Variants in PGR observed in about 807,000 individuals in gnomAD.
The protein encoded by PGR is progesterone receptor.
A neutral mutation model predicts 76.1 loss-of-function variants in PGR; 25 were observed. The observed-to-expected ratio is 0.33, with a 90% CI of 0.24 to 0.46. PGR has a LOEUF of 0.46. Ranked by LOEUF, PGR falls within the 20% of genes least tolerant of loss-of-function variation. The pLI is 1.00. For synonymous variants in PGR, 579 were observed against 535.0 expected (o/e 1.08, Z -1.14); for missense variants, 1,172 against 1,225.3 (o/e 0.96, Z 0.65).
intron 2 of PGR, among the ~76,000 whole-genome samples, chr11:101,108,764 G>T (rs1479934944): frequency 6.6e-6 from 1 of 152,276 alleles, no homozygotes; most frequent in East Asian, 1.9e-4. Context: ...TTCTCAAACA[G>T]CTCTTAGCTG....
rs1859470035 is a variant in PGR, at chr11:101,035,250, T to C, written c.*3866A>G. Reference sequence around the variant, plus strand: ...CTTTAAATTTGAAAAAAAATGTATGTTTTGGCAAGTTTTGAATGCTTCTTA... The same window carrying C: ...CTTTAAATTTGAAAAAAAATGTATGCTTTGGCAAGTTTTGAATGCTTCTTA... On this transcript the variant is annotated 3_prime_UTR_variant, in exon 8 of 8. Coordinates refer to ENST00000325455, the MANE Select transcript of PGR (RefSeq NM_000926.4). 1 of 225,154 alleles carries C rather than the reference T, an allele frequency of 4.4e-6. No homozygotes were observed. The highest frequency in any genetic ancestry group is 1.8e-4 in the South Asian group (1 of 5,454). 13.9% of individuals were successfully genotyped at this position (225,154 alleles called of 1,614,324 possible). A position where few individuals can be genotyped will look rare whatever the true frequency, so the allele number is the denominator to read the frequency against.
chr11:101,108,501 A>T lies in PGR; in HGVS notation c.1790-16625T>A, dbSNP rs137862392. Among the ~76,000 whole-genome samples, 692 of 152,312 alleles carry T rather than the reference A, an allele frequency of 4.5e-3. 9 individuals carry two copies. The highest frequency in any genetic ancestry group is 0.015 in the African/African-American group (641 of 41,566). Reference sequence around the variant, plus strand: ...TAATAATAAATTTTAAAAGTAAAAAATATTTTTAAACGACTTGACTACAAT... The same window carrying T: ...TAATAATAAATTTTAAAAGTAAAAATTATTTTTAAACGACTTGACTACAAT... On this transcript the variant is annotated intron_variant, in intron 2 of 7. Transcript: ENST00000325455.
intron 2 of PGR, among the ~76,000 whole-genome samples, chr11:101,099,723 C>G (rs1490353852): frequency 6.6e-6 from 1 of 152,128 alleles, no homozygotes; most frequent in Non-Finnish European, 1.5e-5. Context: ...CAGTTAGAGG[C>G]TCTCAGTAAA....
At chr11:101,045,446 C>T (rs370399428) in intron 6 of PGR, among the ~76,000 whole-genome samples, 1 of 151,786 alleles carries the variant, frequency 6.6e-6, no homozygotes, top group East Asian at 1.9e-4. Flanking sequence ...AATGTCTCAC[C>T]CCCCTCCTAC....
intron 2 of PGR, 134 bp downstream of exon 2, chr11:101,125,870 GTCA>G: frequency 3.8e-6 from 3 of 792,864 alleles, no homozygotes; most frequent in Non-Finnish European, 6.1e-6. Flanking sequence ...TTGTTAAAAT[GTCA>G]TCATATATTT....
chr11:101,086,914 C>G (rs58617239), intron 3 of PGR, among the ~76,000 whole-genome samples: 22,494 of 151,996 alleles, frequency 0.15, 3,061 homozygotes, highest in East Asian at 0.78. Flanking sequence ...AACTACATAA[C>G]ATTGCTAAAA....
In PGR at chr11:101,128,540, C is replaced by T; in HGVS notation, c.531G>A (p.Gly177=). The change falls in exon 1 of 8, where the codon GGG becomes GGA. Residue 177 remains glycine, a synonymous_variant. Coordinates refer to ENST00000325455, the MANE Select transcript of PGR (RefSeq NM_000926.4). ...GCAGCACTTTATGGGCAGCTGCCGTCCCGGAGCTGTCTCCAACCTTGCACC... is the reference window on the plus strand; with the variant it reads ...GCAGCACTTTATGGGCAGCTGCCGTTCCGGAGCTGTCTCCAACCTTGCACC... ...RSGCKVGDSS[G]TAAAHKVLPR... is the part of the protein sequence containing the mutation. 6.3e-7 allele frequency: 1 copy of T among 1,599,556 alleles called. No individual in the cohort carries two copies. The highest frequency in any genetic ancestry group is 8.5e-7 in the Non-Finnish European group (1 of 1,176,314).
intron 6 of PGR, among the ~76,000 whole-genome samples, chr11:101,046,098 G>A (rs934422090): frequency 2.0e-5 from 3 of 147,330 alleles, no homozygotes; most frequent in Non-Finnish European, 4.5e-5. Flanking sequence ...TAAGATTTTA[G>A]TGTAATTTAT....
Position 101,107,865 on chromosome 11 carries a change from T to TAAAAAAAAAAAAAAAAAAAAA in PGR, c.1790-15990_1790-15989insTTTTTTTTTTTTTTTTTTTTT, listed in dbSNP as rs56355097. Among the ~76,000 whole-genome samples the TAAAAAAAAAAAAAAAAAAAAA allele has an allele frequency of 1.8e-3, 212 of 119,032 alleles. 5 individuals are homozygous for TAAAAAAAAAAAAAAAAAAAAA. The highest frequency in any genetic ancestry group is 5.1e-3 in the African/African-American group (155 of 30,122). The allele number at this position is 119,032 out of a possible 152,430, so 78.1% of individuals were successfully genotyped here. ...CCAGTCTTACTTGAAACTGGCTTTG[T>TAAAAAAAAAAAAAAAAAAAAA]AAAAAAAAAAAAAAAGAAAGAAAAA... On this transcript the variant is annotated intron_variant, in intron 2 of 7. Transcript: ENST00000325455.
intron 2 of PGR, among the ~76,000 whole-genome samples, chr11:101,097,068 C>T (rs1352282264): frequency 2.0e-5 from 3 of 152,180 alleles, no homozygotes; most frequent in African/African-American, 7.2e-5. Flanking sequence ...TATGCATCAT[C>T]TGCCCCTGTT....
chr11:101,053,577 C>G (rs542646975), intron 4 of PGR, among the ~76,000 whole-genome samples: 5 of 126,890 alleles, frequency 3.9e-5, no homozygotes, highest in African/African-American at 1.4e-4. Flanking sequence ...TTTCTTCCCT[C>G]CCCTTCTCCC....
intron 3 of PGR, among the ~76,000 whole-genome samples, chr11:101,076,886 T>C (rs935135066): frequency 1.3e-4 from 19 of 150,336 alleles, no homozygotes; most frequent in Admixed American, 1.3e-3. Flanking sequence ...AATTTTTCTA[T>C]ATCTTTACTA....
intron 2 of PGR, among the ~76,000 whole-genome samples, chr11:101,119,291 G>GATT (rs1257984169): frequency 6.6e-6 from 1 of 152,116 alleles, no homozygotes; most frequent in Non-Finnish European, 1.5e-5. Context: ...TTGTGTAAAT[G>GATT]ATTAGTGTGC....
chr11:101,115,092 C>A (rs1862461023), intron 2 of PGR, among the ~76,000 whole-genome samples: 5 of 152,028 alleles, frequency 3.3e-5, no homozygotes. Flanking sequence ...AAAGAATTAT[C>A]CTAGAAAAAA....
chr11:101,051,534 A>G lies in PGR; in HGVS notation c.2247T>C (p.Thr749=). ...FRNLHIDDQI[T]LIQYSWMSLM... ...AGCTCATCCAAGAATACTGAATGAG[A>G]GTTATCTGGTCATCAATATGTAAGT... The change falls in exon 5 of 8, where the codon ACT becomes ACC. Residue 749 remains threonine (T), a synonymous_variant. Coordinates refer to ENST00000325455, the MANE Select transcript of PGR (RefSeq NM_000926.4). The G allele has an allele frequency of 6.2e-7, 1 of 1,608,976 alleles. No homozygotes were observed.
chr11:101,095,995 T>G (rs1861820037), intron 2 of PGR, among the ~76,000 whole-genome samples: 1 of 152,126 alleles, frequency 6.6e-6, no homozygotes, highest in African/African-American at 2.4e-5. Context: ...AGACAATGTA[T>G]GAGGTAGGAA....
In PGR at chr11:101,129,671, T is replaced by G. The variant is rs1863036588; in HGVS notation, c.-601A>C. On this transcript the variant is annotated 5_prime_UTR_variant, in exon 1 of 8. Coordinates refer to ENST00000325455, the MANE Select transcript of PGR (RefSeq NM_000926.4). ...CGGGCGACAGTCATCTCCGAAGATCTCAGATCCCAGTAGTGCGGGAGCACT... is the reference window on the plus strand; with the variant it reads ...CGGGCGACAGTCATCTCCGAAGATCGCAGATCCCAGTAGTGCGGGAGCACT... The G allele has an allele frequency of 5.5e-6, 1 of 181,560 alleles. No homozygotes were observed. The highest frequency in any genetic ancestry group is 6.3e-5 in the Admixed American group (1 of 15,940). The allele number at this position is 181,560 out of a possible 1,614,324, so 11.2% of individuals were successfully genotyped here.
At chr11:101,064,166 A>C (rs1395576997) in intron 3 of PGR, 11 of 151,710 alleles carry the variant, frequency 7.3e-5, no homozygotes, top group African/African-American at 2.7e-4. Context: ...CCCCGTCTCT[A>C]CTAAAAATAC....
chr11:101,039,781 G>A (rs1287618055), intron 7 of PGR, among the ~76,000 whole-genome samples: 2 of 152,008 alleles, frequency 1.3e-5, no homozygotes, highest in Non-Finnish European at 2.9e-5. Context: ...AAAAACAGCA[G>A]CAGCAGCAGC....
Sources: gnomAD v4.1 joint callset for allele counts (sites outside exome capture counted in the v4.1 genomes callset) on GRCh38, gnomAD v4.1.1 for gene constraint, MANE v1.5 for transcripts, NCBI Gene and HGNC (gene_info 2026-07-23, HGNC 2026-07-21) for gene names.